Variants in HMCN1 observed in about 807,000 individuals in gnomAD.
HMCN1 encodes hemicentin-1.
HMCN1 carries 321 observed loss-of-function variants against 625.9 expected under a neutral mutation model. The observed-to-expected ratio is 0.51, with a 90% CI of 0.47 to 0.56. The LOEUF is 0.56. Among genes scored for constraint, HMCN1 ranks in the 20% least tolerant of loss-of-function variants. HMCN1 has a pLI of 0.00. For missense variants in HMCN1, 6,588 were observed against 6,887.3 expected (o/e 0.96, Z 1.54); for synonymous variants, 2,425 against 2,417.6 (o/e 1.00, Z -0.09).
rs1660862937 is a variant in HMCN1, at chr1:185,831,548, TAAAAG to T, written c.269-14474_269-14470del. On this transcript the variant is annotated intron_variant, in intron 1 of 106. Transcript: ENST00000271588. ...AGGAGTACTAGCCAATGCAATTAGA[TAAAAG>T]AAAGAAATTAGAGATATAAAAGTAG... 2.0e-5 allele frequency among the ~76,000 whole-genome samples: 3 copies of T among 151,986 alleles called. No homozygotes were observed. In the South Asian group the frequency reaches 6.2e-4, roughly 31 times the overall value.
intron 52 of HMCN1, among the ~76,000 whole-genome samples, chr1:186,074,446 TATG>T (rs898123053): frequency 4.6e-5 from 7 of 152,102 alleles, no homozygotes; most frequent in South Asian, 4.1e-4. Context: ...AATAAATTAA[TATG>T]ATAACTAAGA....
chr1:185,919,436 A>G (rs1389390468), intron 6 of HMCN1, among the ~76,000 whole-genome samples: 1 of 152,196 alleles, frequency 6.6e-6, no homozygotes, highest in East Asian at 1.9e-4. Context: ...GAAATCTAGC[A>G]ATAGCAAGCA....
rs564995177 is a variant in HMCN1 at position 186,149,378 on chromosome 1, C to T, written c.14609-1822C>T. On this transcript the variant is annotated intron_variant, in intron 93 of 106. Transcript: ENST00000271588. ...TGTTCTACCTTGCACTTTTATGTTA[C>T]TTAAATGGCTTCTGTCCTTGAGCCT... Among the ~76,000 whole-genome samples, 44 of 152,294 alleles carry T rather than the reference C, an allele frequency of 2.9e-4. 3 individuals are homozygous for T. The South Asian group carries it at 9.1e-3, about 32-fold the overall frequency.
intron 82 of HMCN1, among the ~76,000 whole-genome samples, chr1:186,126,522 C>A (rs573960664): frequency 6.6e-6 from 1 of 152,068 alleles, no homozygotes; most frequent in East Asian, 1.9e-4. Context: ...GTGAAGGTTA[C>A]AGTTGTAAAT....
intron 2 of HMCN1, among the ~76,000 whole-genome samples, chr1:185,854,018 T>C (rs568915768): frequency 3.3e-5 from 5 of 152,320 alleles, no homozygotes; most frequent in African/African-American, 1.2e-4. Flanking sequence ...GATTGTTCTA[T>C]TCCCCACAAT....
At chr1:185,969,747 A>G (rs970488801) in intron 14 of HMCN1, among the ~76,000 whole-genome samples, 13 of 152,164 alleles carry the variant, frequency 8.5e-5, no homozygotes, top group Admixed American at 3.9e-4. Context: ...ATCCAGTACT[A>G]TGTACAGTAC....
In HMCN1 at chr1:185,962,616, A is replaced by T; in HGVS notation, c.1927A>T (p.Ile643Phe). The T allele has an allele frequency of 5.7e-6, 9 of 1,591,268 alleles. No homozygotes were observed. The highest frequency in any genetic ancestry group is 7.8e-6 in the Non-Finnish European group (9 of 1,159,252). The change falls in exon 12 of 107, where the codon ATT (isoleucine) becomes TTT (phenylalanine). Residue 643 changes from isoleucine to phenylalanine, a missense_variant. This residue lies in a region of HMCN1 where 4,628 missense variants were observed against 4,853.1 expected (regional missense o/e 0.95). Coordinates refer to ENST00000271588, the MANE Select transcript of HMCN1 (RefSeq NM_031935.3). Reference protein sequence around the residue: ...CSATGYPKPKIAWTVNDMFIV... With the variant: ...CSATGYPKPKFAWTVNDMFIV... ...TGCAACAGGTTATCCCAAACCAAAG[A>T]TTGCCTGGACCGTTAACGATATGTT...
intron 1 of HMCN1, among the ~76,000 whole-genome samples, chr1:185,837,466 T>G (rs1468393209): frequency 6.6e-6 from 1 of 152,044 alleles, no homozygotes; most frequent in South Asian, 2.1e-4. Context: ...TTGAACAATC[T>G]CTTCAGATAT....
chr1:185,844,303 C>T (rs1193138710), intron 1 of HMCN1, among the ~76,000 whole-genome samples: 2 of 152,164 alleles, frequency 1.3e-5, no homozygotes, highest in Non-Finnish European at 2.9e-5. Flanking sequence ...TTCACAGTTT[C>T]TCCAATTGCT....
intron 2 of HMCN1, among the ~76,000 whole-genome samples, chr1:185,858,318 G>T (rs1249165330): frequency 6.6e-6 from 1 of 152,086 alleles, no homozygotes; most frequent in Non-Finnish European, 1.5e-5. Flanking sequence ...TTCTTCAGTT[G>T]TAAGTTCTTC....
chr1:186,002,239 A>G (rs909878071), intron 28 of HMCN1, among the ~76,000 whole-genome samples: 1 of 152,118 alleles, frequency 6.6e-6, no homozygotes, highest in African/African-American at 2.4e-5. Context: ...AGCAGCTGTA[A>G]TAAATTAGGA....
chr1:185,761,714 C>A (rs1462686348), intron 1 of HMCN1, among the ~76,000 whole-genome samples: 1 of 152,112 alleles, frequency 6.6e-6, no homozygotes, highest in African/African-American at 2.4e-5. Flanking sequence ...TGAAACATGG[C>A]TAAACACAAC....
At chr1:185,966,944 A>C (rs1287280163) in intron 14 of HMCN1, among the ~76,000 whole-genome samples, 1 of 152,128 alleles carries the variant, frequency 6.6e-6, no homozygotes, top group Non-Finnish European at 1.5e-5. Context: ...CCATACTGAA[A>C]GATTTTTAGT....
chr1:185,921,610 T>C (rs12066427), intron 6 of HMCN1, among the ~76,000 whole-genome samples: 11,555 of 152,256 alleles, frequency 0.076, 1,449 homozygotes, highest in African/African-American at 0.26. Context: ...AATTGATAAT[T>C]GGTACATTAG....
chr1:186,023,096 T>C lies in HMCN1; in HGVS notation c.5692T>C (p.Cys1898Arg), dbSNP rs757103573. 1.2e-6 allele frequency: 2 copies of C among 1,613,446 alleles called. No homozygotes were observed. The highest frequency in any genetic ancestry group is 1.1e-5 in the South Asian group (1 of 91,074). Reference sequence around the variant, plus strand: ...GTTGGAAGATGCTGGCAGATACACATGTGTGGCTACCAACGCAGCTGGAGA... The same window carrying C: ...GTTGGAAGATGCTGGCAGATACACACGTGTGGCTACCAACGCAGCTGGAGA... The part of the protein sequence containing the change: ...TLLEDAGRYT[C>R]VATNAAGETQ... The change falls in exon 36 of 107, where the codon TGT becomes CGT. Residue 1898 changes from cysteine to arginine, a missense_variant. Coordinates refer to ENST00000271588, the MANE Select transcript of HMCN1 (RefSeq NM_031935.3).
intron 86 of HMCN1, among the ~76,000 whole-genome samples, chr1:186,134,249 TATTA>T (rs1374339594): frequency 2.0e-5 from 3 of 152,302 alleles, no homozygotes; most frequent in African/African-American, 4.8e-5. Context: ...AATTTTATTG[TATTA>T]ATTTATAGCT....
chr1:186,049,479 A>G (rs1361325829), intron 42 of HMCN1, among the ~76,000 whole-genome samples: 1 of 151,804 alleles, frequency 6.6e-6, no homozygotes, highest in East Asian at 1.9e-4. Flanking sequence ...ATAACCAGGG[A>G]GAAAAGTTAT....
At chr1:186,108,899 T>C (rs981965602) in intron 71 of HMCN1, among the ~76,000 whole-genome samples, 9 of 152,216 alleles carry the variant, frequency 5.9e-5, no homozygotes, top group African/African-American at 2.2e-4. Context: ...TTTGAAATAC[T>C]CAGCTATTTC....
intron 16 of HMCN1, among the ~76,000 whole-genome samples, chr1:185,979,883 T>G (rs1192660177): frequency 2.6e-5 from 4 of 152,002 alleles, no homozygotes; most frequent in African/African-American, 9.7e-5. Flanking sequence ...TTATACCCAT[T>G]CCCCTATTTA....
Sources: allele counts gnomAD v4.1 joint callset (sites outside exome capture counted in the v4.1 genomes callset), GRCh38; gene constraint gnomAD v4.1.1; regional missense constraint gnomAD v4.1.1; transcripts MANE v1.5; gene names NCBI Gene and HGNC (gene_info 2026-07-23, HGNC 2026-07-21).